ANGEL1: variants seen among roughly 807,000 people sequenced by gnomAD.
ANGEL1 encodes the protein RNA 2',3'-cyclic phosphatase ANGEL1.
ANGEL1 carries 62 observed loss-of-function variants against 76.4 expected under a neutral mutation model. That is an observed-to-expected ratio of 0.81 (90% CI 0.66 to 1.00). The LOEUF (loss-of-function observed/expected upper bound fraction) is 1.00. ANGEL1 is among the 50% of genes least tolerant of loss of function. The pLI is 0.00. For missense variants in ANGEL1, 737 were observed against 836.7 expected (o/e 0.88, Z 1.47); for synonymous variants, 340 against 331.7 (o/e 1.03, Z -0.27).
At chr14:76,790,908 A>C in intron 8 of ANGEL1, 134 bp from the exon 9 acceptor site, 2 of 1,285,072 alleles carry the variant, frequency 1.6e-6, no homozygotes, top group East Asian at 2.6e-5. Flanking sequence ...ATTCCTCCCC[A>C]TGCTAAGAAG....
chr14:76,789,210 CT>C lies in ANGEL1; in HGVS notation c.*17del. 1 of 1,613,706 alleles carries C rather than the reference CT, an allele frequency of 6.2e-7. No individual in the cohort carries two copies. Reference sequence around the variant, plus strand: ...TGAGCTCTTCTGGAAGAGAAGCTCTCTTCCCCTGGGAGCCCTGTCATGGGGC... The same window carrying C: ...TGAGCTCTTCTGGAAGAGAAGCTCTCTCCCCTGGGAGCCCTGTCATGGGGC... On this transcript the variant is annotated 3_prime_UTR_variant, in exon 10 of 10. Coordinates refer to ENST00000251089, the MANE Select transcript of ANGEL1 (RefSeq NM_015305.4).
chr14:76,799,602 C>T (rs538495056), intron 7 of ANGEL1, among the ~76,000 whole-genome samples: 14 of 152,058 alleles, frequency 9.2e-5, no homozygotes, highest in Non-Finnish European at 1.6e-4. Flanking sequence ...CCATTCATGG[C>T]CCTTTTAAAA....
intron 7 of ANGEL1, among the ~76,000 whole-genome samples, chr14:76,796,261 CTTT>C (rs1249373857): frequency 7.3e-6 from 1 of 136,122 alleles, no homozygotes; most frequent in Non-Finnish European, 1.6e-5. Context: ...TTTTCTTTTT[CTTT>C]TTTTTTTTTT....
rs982391190 is a variant in ANGEL1, at chr14:76,808,930, C to T, written c.649+129G>A. 2.9e-5 allele frequency: 26 copies of T among 894,804 alleles called. No homozygotes were observed. The African/African-American group carries it at 4.0e-4, about 14-fold the overall frequency. 55.4% of individuals were successfully genotyped at this position (894,804 alleles called of 1,614,324 possible). ...GTAAGGACCCTCTAGATCTGACATG[C>T]CAAGATTCTTAGAAAAATAGAATGC... On this transcript the variant is annotated intron_variant, in intron 2 of 9. Coordinates refer to ENST00000251089, the MANE Select transcript of ANGEL1 (RefSeq NM_015305.4).
intron 7 of ANGEL1, among the ~76,000 whole-genome samples, chr14:76,798,165 C>G (rs552736985): frequency 2.6e-5 from 4 of 151,618 alleles, no homozygotes; most frequent in Non-Finnish European, 4.4e-5. Flanking sequence ...GTCTCTGTTG[C>G]CCAGGCGGGA....
At position 76,806,867 on chromosome 14, in the gene ANGEL1, C is replaced by A. The variant is rs758932083; in HGVS notation, c.947-18G>T. 1.9e-6 allele frequency: 3 copies of A among 1,605,512 alleles called. No homozygotes were observed. The highest frequency in any genetic ancestry group is 1.1e-5 in the South Asian group (1 of 90,230). Reference sequence around the variant, plus strand: ...GGTAAAGCCTGCAAGGAAAATCCCACCAAAGAGATGGGTCAGAGTCCTTAA... The same window carrying A: ...GGTAAAGCCTGCAAGGAAAATCCCAACAAAGAGATGGGTCAGAGTCCTTAA... On this transcript the variant is annotated intron_variant, in intron 4 of 9. Coordinates refer to ENST00000251089, the MANE Select transcript of ANGEL1 (RefSeq NM_015305.4).
intron 7 of ANGEL1, among the ~76,000 whole-genome samples, chr14:76,795,389 T>G (rs781329448): frequency 2.1e-4 from 32 of 152,182 alleles, no homozygotes; most frequent in Non-Finnish European, 4.7e-4. Context: ...GCTGCTAGAT[T>G]TTGTTTCCTG....
Position 76,812,816 on chromosome 14 carries a change from C to G in ANGEL1, c.12G>C (p.Ser4=), listed in dbSNP as rs1270433148. 2 of 1,517,462 alleles carry G rather than the reference C, an allele frequency of 1.3e-6. No homozygotes were observed. Among genetic ancestry groups the G allele is most frequent in the Admixed American group, 2.0e-5 (1 of 49,212 alleles). 94.0% of individuals were successfully genotyped at this position (1,517,462 alleles called of 1,614,324 possible). Residue 4 remains serine (S), a synonymous_variant, in exon 1 of 10, where the codon TCG becomes TCC. Transcript: ENST00000251089. ...CCGGCAGCAGCAGGTAACACAAGCA[C>G]GACGCGATCATGGCCGGCCGCCCGC... The part of the protein sequence containing the change: MIA[S]CLCYLLLPAT...
chr14:76,789,897 G>A (rs1310648291), intron 9 of ANGEL1, among the ~76,000 whole-genome samples: 4 of 129,760 alleles, frequency 3.1e-5, no homozygotes, highest in East Asian at 4.4e-4. Flanking sequence ...GGAGTTTTAC[G>A]CTTGTTGCCC....
chr14:76,811,841 T>C (rs1255446509), intron 1 of ANGEL1, among the ~76,000 whole-genome samples: 1 of 152,138 alleles, frequency 6.6e-6, no homozygotes, highest in African/African-American at 2.4e-5. Flanking sequence ...AGATACACAG[T>C]AAAATTTAAA....
intron 5 of ANGEL1, among the ~76,000 whole-genome samples, chr14:76,805,424 T>C (rs1894890437): frequency 6.6e-6 from 1 of 152,236 alleles, no homozygotes; most frequent in African/African-American, 2.4e-5. Flanking sequence ...TGCCTTTCTC[T>C]GCACACATCT....
At chr14:76,810,155 T>C (rs572189153) in intron 1 of ANGEL1, 3 of 454,148 alleles carry the variant, frequency 6.6e-6, no homozygotes, top group African/African-American at 6.0e-5. Flanking sequence ...AGGCCAGGCG[T>C]GGTGGCTCCC....
In ANGEL1 at chr14:76,808,018, C is replaced by G; in HGVS notation, c.780G>C (p.Gln260His). Residue 260 changes from glutamine to histidine, a missense_variant, in exon 3 of 10, where the codon CAG becomes CAC. Around this residue, in one of 2 missense-constraint regions of ANGEL1, gnomAD observed 441 missense variants for 449.5 expected, o/e 0.98. Coordinates refer to ENST00000251089, the MANE Select transcript of ANGEL1 (RefSeq NM_015305.4). Reference sequence around the variant, plus strand: ...GGCAATGTAGATAGAGCTCTGAGCTCTGCTGCATCAGGTCCTGAGCCAGGA... The same window carrying G: ...GGCAATGTAGATAGAGCTCTGAGCTGTGCTGCATCAGGTCCTGAGCCAGGA... ...YNILAQDLMQQSSELYLHCHP... is the reference protein window; with the variant it reads ...YNILAQDLMQHSSELYLHCHP... 5 of 1,614,216 alleles carry G rather than the reference C, an allele frequency of 3.1e-6. No individual in the cohort carries two copies. Among genetic ancestry groups the G allele is most frequent in the Non-Finnish European group, 4.2e-6 (5 of 1,180,038 alleles).
intron 7 of ANGEL1, among the ~76,000 whole-genome samples, chr14:76,799,462 C>T (rs1016650791): frequency 7.3e-5 from 11 of 151,588 alleles, no homozygotes; most frequent in South Asian, 2.1e-4. Context: ...CCTGGCTAAT[C>T]TTTTGTATTT....
rs1894278449 is a variant in ANGEL1, at chr14:76,787,067, G to A, written c.*2161C>T. ...GTTCCTCCCAGGCCTCACAGCAGTG[G>A]GAATTTACCTCAGCTAATAGAGGGA... On this transcript the variant is annotated 3_prime_UTR_variant, in exon 10 of 10. Coordinates refer to ENST00000251089, the MANE Select transcript of ANGEL1 (RefSeq NM_015305.4). 6.6e-6 allele frequency: 1 copy of A among 152,110 alleles called. No homozygotes were observed. The highest frequency in any genetic ancestry group is 1.5e-5 in the Non-Finnish European group (1 of 68,050). 9.4% of individuals were successfully genotyped at this position (152,110 alleles called of 1,614,324 possible).
Position 76,809,242 on chromosome 14 carries a change from G to T in ANGEL1, c.466C>A (p.Pro156Thr). 1 of 1,613,064 alleles carries T rather than the reference G, an allele frequency of 6.2e-7. No individual in the cohort carries two copies. The highest frequency in any genetic ancestry group is 8.5e-7 in the Non-Finnish European group (1 of 1,179,502). Residue 156 changes from proline to threonine, a missense_variant, in exon 2 of 10, where the codon CCC (proline) becomes ACC (threonine). By Grantham distance (38) the Pro-to-Thr change is conservative. This residue lies in a region of ANGEL1 where 441 missense variants were observed against 449.5 expected (regional missense o/e 0.98). Transcript: ENST00000251089. ...MWAAIPMQSE[P>T]QYADCAALPV... Reference sequence around the variant, plus strand: ...AGGGCAGCACAGTCTGCATACTGGGGCTCCGACTGCATGGGGATAGCTGCC... The same window carrying T: ...AGGGCAGCACAGTCTGCATACTGGGTCTCCGACTGCATGGGGATAGCTGCC...
Position 76,790,613 on chromosome 14 carries a change from G to A in ANGEL1, c.1850C>T (p.Thr617Ile). The A allele has an allele frequency of 1.2e-6, 2 of 1,613,110 alleles. No individual in the cohort carries two copies. Among genetic ancestry groups the A allele is most frequent in the South Asian group, 1.1e-5 (1 of 90,980 alleles). ...AACCCAGGATCCATCAGGCTTACCA[G>A]TTCTGTTCCCATTCTCACAGGACTC... ...SAESCENGNR[T>I]DHRLYRDGTL... The change falls in exon 9 of 10, where the codon ACT (threonine) becomes ATT (isoleucine). Residue 617 changes from threonine (T) to isoleucine (I), a missense_variant and splice_region_variant. By Grantham distance (89) the Thr-to-Ile change is moderately conservative. Around this residue, in one of 2 missense-constraint regions of ANGEL1, gnomAD observed 296 missense variants for 387.2 expected, o/e 0.76. Coordinates refer to ENST00000251089, the MANE Select transcript of ANGEL1 (RefSeq NM_015305.4).
chr14:76,795,917 G>A (rs1894562583), intron 7 of ANGEL1, among the ~76,000 whole-genome samples: 1 of 152,130 alleles, frequency 6.6e-6, no homozygotes, highest in South Asian at 2.1e-4. Context: ...CAACTCTTAA[G>A]AATTTATGAG....
chr14:76,812,722 G>A (rs1331113886), intron 1 of ANGEL1, 42 bp downstream of exon 1: 1 of 1,490,208 alleles, frequency 6.7e-7, no homozygotes, highest in Non-Finnish European at 8.9e-7. Flanking sequence ...GCAGAGGCGA[G>A]CCCTGGCCGG....
Sources: gnomAD v4.1 joint callset for allele counts (sites outside exome capture counted in the v4.1 genomes callset) on GRCh38, gnomAD v4.1.1 for gene constraint, gnomAD v4.1.1 regional missense constraint, MANE v1.5 for transcripts, NCBI Gene and HGNC (gene_info 2026-07-23, HGNC 2026-07-21) for gene names.